Variants in THEMIS observed in about 807,000 individuals in gnomAD.
THEMIS encodes the protein thymocyte selection associated, also known as protein THEMIS.
A neutral mutation model predicts 52.6 loss-of-function variants in THEMIS; 37 were observed. The observed-to-expected ratio is 0.70, with a 90% CI of 0.54 to 0.93. The LOEUF (loss-of-function observed/expected upper bound fraction) is 0.93, where lower values mean the gene tolerates loss of function less well. Among genes scored for constraint, THEMIS ranks in the 40% least tolerant of loss-of-function variants. The pLI is 0.00. For synonymous variants in THEMIS, 292 were observed against 272.7 expected, an observed-to-expected ratio of 1.07 and a Z score of -0.70; for missense variants, 808 against 763.1, an observed-to-expected ratio of 1.06 and a Z score of -0.69.
chr6:127,916,921 T>C (rs1284191154), intron 1 of THEMIS, among the ~76,000 whole-genome samples: 2 of 152,274 alleles, frequency 1.3e-5, no homozygotes, highest in Admixed American at 1.3e-4. Context: ...AAAATCACAA[T>C]AGAAGCTATT....
chr6:127,811,476 A>C (rs946240434), intron 4 of THEMIS, among the ~76,000 whole-genome samples: 6 of 152,198 alleles, frequency 3.9e-5, no homozygotes, highest in Non-Finnish European at 7.3e-5. Flanking sequence ...CCCTGATCTT[A>C]TCTGGAAAGG....
chr6:127,734,150 A>G (rs976043907), intron 4 of THEMIS, among the ~76,000 whole-genome samples: 1 of 152,236 alleles, frequency 6.6e-6, no homozygotes, highest in Admixed American at 6.5e-5. Flanking sequence ...AGATTTTAAA[A>G]GATCAACAAT....
intron 4 of THEMIS, among the ~76,000 whole-genome samples, chr6:127,794,831 C>T (rs1450705676): frequency 3.9e-5 from 6 of 152,164 alleles, no homozygotes. Context: ...AATGCTCTAA[C>T]ATTTACCTGA....
At chr6:127,838,977 A>C (rs1009414799) in intron 2 of THEMIS, among the ~76,000 whole-genome samples, 2 of 152,134 alleles carry the variant, frequency 1.3e-5, no homozygotes, top group African/African-American at 4.8e-5. Context: ...ACCATTTATT[A>C]TAACTTTGTA....
At chr6:127,832,869 C>T (rs188740372) in intron 2 of THEMIS, among the ~76,000 whole-genome samples, 38 of 136,794 alleles carry the variant, frequency 2.8e-4, no homozygotes, top group Admixed American at 5.7e-4. Flanking sequence ...CTGCAAACTC[C>T]GACTCCCAGG....
chr6:127,791,193 T>C (rs892839482), intron 4 of THEMIS, among the ~76,000 whole-genome samples: 1 of 152,052 alleles, frequency 6.6e-6, no homozygotes, highest in African/African-American at 2.4e-5. Context: ...AAGTAGAGGG[T>C]GAGCAAGGTG....
At chr6:127,806,707 C>G (rs188848880) in intron 4 of THEMIS, among the ~76,000 whole-genome samples, 1 of 151,980 alleles carries the variant, frequency 6.6e-6, no homozygotes, top group East Asian at 1.9e-4. Flanking sequence ...TCAATTATAC[C>G]AACTCAGCTA....
chr6:127,915,388 C>G (rs1781500180), intron 1 of THEMIS, among the ~76,000 whole-genome samples: 1 of 152,110 alleles, frequency 6.6e-6, no homozygotes, highest in South Asian at 2.1e-4. Context: ...TTGGTATTGA[C>G]AGCTGAAAGA....
intron 4 of THEMIS, among the ~76,000 whole-genome samples, chr6:127,787,803 G>GTAGA (rs147102978): frequency 0.39 from 53,087 of 137,712 alleles, 10,273 homozygotes; most frequent in South Asian, 0.51. Context: ...ACAGTGATAG[G>GTAGA]TAGATAGATA....
Position 127,737,793 on chromosome 6 carries a change from T to C in THEMIS, c.1759-17970A>G, listed in dbSNP as rs571726585. ...TTTACTACTAGAGAGAACCTTAATG[T>C]GTTTTTTAACTTATTTTTAATTTGT... On this transcript the variant is annotated intron_variant, in intron 4 of 5. Transcript: ENST00000368248. Among the ~76,000 whole-genome samples, 23 of 152,330 alleles carry C rather than the reference T, an allele frequency of 1.5e-4. No individual in the cohort carries two copies. In the South Asian group the frequency reaches 4.8e-3, roughly 32 times the overall value.
At chr6:127,740,908 A>C (rs1007659346) in intron 4 of THEMIS, among the ~76,000 whole-genome samples, 1 of 152,176 alleles carries the variant, frequency 6.6e-6, no homozygotes, top group Admixed American at 6.5e-5. Flanking sequence ...GCTTCTTAAA[A>C]ATTTTGCTCT....
chr6:127,721,032 C>T (rs976895754), intron 4 of THEMIS, among the ~76,000 whole-genome samples: 4 of 151,944 alleles, frequency 2.6e-5, no homozygotes, highest in Admixed American at 2.6e-4. Flanking sequence ...AGGATATTGA[C>T]ACAGAGGCTT....
intron 4 of THEMIS, among the ~76,000 whole-genome samples, chr6:127,771,005 T>C (rs1776366691): frequency 6.6e-6 from 1 of 152,274 alleles, no homozygotes; most frequent in Non-Finnish European, 1.5e-5. Flanking sequence ...GATGACATGA[T>C]TGTATATTTA....
In THEMIS at chr6:127,813,230, C is replaced by T. The variant is rs1239522905; in HGVS notation, c.1411G>A (p.Asp471Asn). 1.9e-6 allele frequency: 3 copies of T among 1,613,952 alleles called. No homozygotes were observed. The Admixed American group carries it at 5.0e-5, about 27-fold the overall frequency. Residue 471 changes from aspartate (D) to asparagine (N), a missense_variant, in exon 4 of 6, where the codon GAC becomes AAC. Coordinates refer to ENST00000368248, the MANE Select transcript of THEMIS (RefSeq NM_001010923.3). The stretch of plus-strand genomic sequence containing the variant: ...AGTCCTGGTGTGGCAGCCAACACGT[C>T]CTCTTCAATGGAAAGATCCCTGACA... ...VSVRDLSIEE[D>N]VLAATPGLQL...
chr6:127,862,223 T>C (rs1779826443), intron 1 of THEMIS, among the ~76,000 whole-genome samples: 1 of 152,094 alleles, frequency 6.6e-6, no homozygotes, highest in Non-Finnish European at 1.5e-5. Flanking sequence ...CTGAGTGCCC[T>C]AGCTAAAAGA....
intron 1 of THEMIS, among the ~76,000 whole-genome samples, chr6:127,897,757 C>A (rs551022758): frequency 6.6e-6 from 1 of 151,498 alleles, no homozygotes; most frequent in Non-Finnish European, 1.5e-5. Flanking sequence ...TGTACACACA[C>A]AATATGACAT....
intron 2 of THEMIS, among the ~76,000 whole-genome samples, chr6:127,842,135 TA>T (rs1779069043): frequency 6.6e-6 from 1 of 152,036 alleles, no homozygotes; most frequent in Non-Finnish European, 1.5e-5. Context: ...CAAATGTATA[TA>T]TTTTTTGCAT....
At chr6:127,833,984 AAAT>A (rs1035471404) in intron 2 of THEMIS, among the ~76,000 whole-genome samples, 3 of 152,158 alleles carry the variant, frequency 2.0e-5, no homozygotes, top group African/African-American at 7.2e-5. Flanking sequence ...TTGGAATATA[AAAT>A]AATAATAGTC....
intron 5 of THEMIS, among the ~76,000 whole-genome samples, chr6:127,719,016 C>G (rs1332530034): frequency 2.6e-5 from 4 of 151,910 alleles, no homozygotes; most frequent in African/African-American, 4.8e-5. Context: ...AGAATAATTA[C>G]AGTTTCAATT....
Sources: allele counts gnomAD v4.1 joint callset (sites outside exome capture counted in the v4.1 genomes callset), GRCh38; gene constraint gnomAD v4.1.1; transcripts MANE v1.5; gene names NCBI Gene and HGNC (gene_info 2026-07-23, HGNC 2026-07-21).